CNTNAP3B: variants seen among roughly 807,000 people sequenced by gnomAD.
CNTNAP3B encodes contactin associated protein family member 3B, also known as contactin-associated protein-like 3B.
A neutral mutation model predicts 108.9 loss-of-function variants in CNTNAP3B; 25 were observed. The ratio of observed to expected loss-of-function variants is 0.23; its 90% CI spans 0.17 to 0.32. CNTNAP3B has a LOEUF of 0.32. CNTNAP3B is among the 10% of genes least tolerant of loss of function. The pLI is 1.00. For missense variants in CNTNAP3B, 252 were observed against 1,210.4 expected, an observed-to-expected ratio of 0.21 and a Z score of 11.75; for synonymous variants, 103 against 473.4, an observed-to-expected ratio of 0.22 and a Z score of 10.16.
intron 12 of CNTNAP3B, among the ~76,000 whole-genome samples, chr9:41,956,043 A>G (rs573550732): frequency 1.7e-3 from 258 of 152,290 alleles, no homozygotes; most frequent in African/African-American, 5.5e-3. Flanking sequence ...AGTGTTGAAT[A>G]TCTCATGTCA....
At chr9:41,962,859 G>A (rs1825144437) in intron 11 of CNTNAP3B, among the ~76,000 whole-genome samples, 1 of 152,154 alleles carries the variant, frequency 6.6e-6, no homozygotes, top group South Asian at 2.1e-4. Flanking sequence ...GGAGGCTGAG[G>A]CAGGAGAATG....
intron 10 of CNTNAP3B, among the ~76,000 whole-genome samples, chr9:41,968,859 A>G (rs1170448511): frequency 6.7e-6 from 1 of 149,534 alleles, no homozygotes; most frequent in Non-Finnish European, 1.5e-5. Flanking sequence ...GTGCAGTGGC[A>G]CTATCTCATT....
Position 42,115,483 on chromosome 9 carries a change from G to C in CNTNAP3B, c.86-10744C>G, listed in dbSNP as rs992477671. Among the ~76,000 whole-genome samples the C allele has an allele frequency of 4.3e-5, 6 of 139,518 alleles. 1 individual carries two copies. The allele number at this position is 139,518 out of a possible 152,430, so 91.5% of individuals were successfully genotyped here. A position where few individuals can be genotyped will look rare whatever the true frequency, so the allele number is the denominator to read the frequency against. On this transcript the variant is annotated intron_variant, in intron 1 of 23. Transcript: ENST00000377561. ...CTCCCAGTAGGGGCTGACTGACACC[G>C]CATACAGCCAGGTGCCCCTCTGAGA...
At chr9:41,960,403 A>G (rs1242173227) in intron 12 of CNTNAP3B, 1 of 183,066 alleles carries the variant, frequency 5.5e-6, no homozygotes, top group African/African-American at 2.4e-5. Context: ...TAAGATGCAC[A>G]TAGAACATTA....
At chr9:42,058,382 T>C (rs1827119472) in intron 3 of CNTNAP3B, among the ~76,000 whole-genome samples, 1 of 150,334 alleles carries the variant, frequency 6.7e-6, no homozygotes, top group African/African-American at 2.5e-5. Context: ...ACTTGTTATC[T>C]TTTGTCTTTT....
Position 42,118,441 on chromosome 9 carries a change from A to G in CNTNAP3B, c.85+10569T>C, listed in dbSNP as rs1271540043. 1.4e-5 allele frequency among the ~76,000 whole-genome samples: 2 copies of G among 138,564 alleles called. 1 individual carries two copies. The highest frequency in any genetic ancestry group is 3.1e-5 in the Non-Finnish European group (2 of 64,758). The allele number at this position is 138,564 out of a possible 152,430, so 90.9% of individuals were successfully genotyped here. A position where few individuals can be genotyped will look rare whatever the true frequency, so the allele number is the denominator to read the frequency against. The stretch of plus-strand genomic sequence containing the variant: ...TGACAAAAACCTCATGATTATCTCA[A>G]TAGATGCAGAAAAGGCCTTTGACAA... On this transcript the variant is annotated intron_variant, in intron 1 of 23. Transcript: ENST00000377561.
chr9:41,937,402 C>T (rs1337752772), intron 14 of CNTNAP3B, among the ~76,000 whole-genome samples: 2 of 151,566 alleles, frequency 1.3e-5, no homozygotes, highest in Non-Finnish European at 2.9e-5. Flanking sequence ...GCTGTGATTA[C>T]AGGCATGAGC....
intron 13 of CNTNAP3B, among the ~76,000 whole-genome samples, chr9:41,942,362 G>C (rs1824378191): frequency 1.3e-5 from 2 of 152,268 alleles, no homozygotes; most frequent in South Asian, 4.1e-4. Flanking sequence ...TGTAATCCCA[G>C]CATTTTGGGA....
intron 3 of CNTNAP3B, among the ~76,000 whole-genome samples, chr9:42,019,605 A>C (rs1244659465): frequency 1.4e-5 from 2 of 144,986 alleles, no homozygotes; most frequent in African/African-American, 2.6e-5. Context: ...AAAAAAAAAA[A>C]AAAAAATTAC....
At chr9:42,120,948 G>C (rs1828448215) in intron 1 of CNTNAP3B, among the ~76,000 whole-genome samples, 1 of 138,492 alleles carries the variant, frequency 7.2e-6, no homozygotes, top group Non-Finnish European at 1.5e-5. Flanking sequence ...TTGTGCACAT[G>C]TACCCTGTAA....
rs1485336100 is a variant in CNTNAP3B, at chr9:42,063,759, T to C, written c.390+13110A>G. Among the ~76,000 whole-genome samples, 2 of 140,878 alleles carry C rather than the reference T, an allele frequency of 1.4e-5. 1 individual carries two copies. Among genetic ancestry groups the C allele is most frequent in the Non-Finnish European group, 3.1e-5 (2 of 65,350 alleles). 92.4% of individuals were successfully genotyped at this position (140,878 alleles called of 152,430 possible). A position where few individuals can be genotyped will look rare whatever the true frequency, so the allele number is the denominator to read the frequency against. ...TTCTTTACAATAAAAACTGGATCTA[T>C]TAGCCAGGCTGGAGTGCAATAGCAT... On this transcript the variant is annotated intron_variant, in intron 3 of 23. Coordinates refer to ENST00000377561, the MANE Select transcript of CNTNAP3B (RefSeq NM_001201380.3).
At chr9:42,120,041 C>T (rs1199116391) in intron 1 of CNTNAP3B, among the ~76,000 whole-genome samples, 5 of 149,826 alleles carry the variant, frequency 3.3e-5, no homozygotes, top group African/African-American at 1.2e-4. Context: ...AACAGGCAAC[C>T]TACAGAATGG....
intron 2 of CNTNAP3B, among the ~76,000 whole-genome samples, chr9:42,097,116 G>A (rs1399534281): frequency 7.2e-6 from 1 of 139,404 alleles, no homozygotes; most frequent in Non-Finnish European, 1.5e-5. Context: ...TCCAATATCT[G>A]CTTCTCTTTC....
intron 14 of CNTNAP3B, among the ~76,000 whole-genome samples, chr9:41,931,992 GT>G (rs1404366124): frequency 7.2e-5 from 11 of 152,200 alleles, no homozygotes; most frequent in Non-Finnish European, 1.6e-4. Flanking sequence ...ATAAAGTCTT[GT>G]TTTTTCATTG....
chr9:41,958,957 T>C (rs1824965785), intron 12 of CNTNAP3B, among the ~76,000 whole-genome samples: 1 of 139,768 alleles, frequency 7.2e-6, no homozygotes, highest in Non-Finnish European at 1.5e-5. Context: ...CTGGAGTTTT[T>C]AATTCTCAGA....
rs534810461 is a variant in CNTNAP3B at position 42,115,828 on chromosome 9, C to T, written c.86-11089G>A. Among the ~76,000 whole-genome samples the T allele has an allele frequency of 2.4e-4, 29 of 121,170 alleles. 3 individuals carry two copies. Among genetic ancestry groups the T allele is most frequent in the South Asian group, 8.5e-4 (3 of 3,542 alleles). The allele number at this position is 121,170 out of a possible 152,430, so 79.5% of individuals were successfully genotyped here. A position where few individuals can be genotyped will look rare whatever the true frequency, so the allele number is the denominator to read the frequency against. ...CCTCTTCTCCTCCAAAGGAACACAA[C>T]GCCTCGCCAGCAACGGAACAAAGCT... On this transcript the variant is annotated intron_variant, in intron 1 of 23. Coordinates refer to ENST00000377561, the MANE Select transcript of CNTNAP3B (RefSeq NM_001201380.3).
chr9:41,937,767 G>A (rs1330467343), intron 14 of CNTNAP3B, among the ~76,000 whole-genome samples: 1 of 151,952 alleles, frequency 6.6e-6, no homozygotes, highest in Non-Finnish European at 1.5e-5. Flanking sequence ...GGAAATTGTT[G>A]CTTCTAAAAA....
At chr9:41,932,058 C>G (rs1479378193) in intron 14 of CNTNAP3B, among the ~76,000 whole-genome samples, 2 of 151,962 alleles carry the variant, frequency 1.3e-5, no homozygotes, top group East Asian at 3.9e-4. Context: ...GTGTTTTTCA[C>G]CAGTTTCTTA....
At position 42,024,804 on chromosome 9, in the gene CNTNAP3B, C is replaced by A. The variant is rs1301257522; in HGVS notation, c.391-11279G>T. On this transcript the variant is annotated intron_variant, in intron 3 of 23. Transcript: ENST00000377561. ...TTGCACACTAGTTTGCACCGTTTGC[C>A]AATTATTTCTCATCCAGTTTCTCAG... Among the ~76,000 whole-genome samples the A allele has an allele frequency of 2.4e-3, 345 of 143,178 alleles. 1 individual carries two copies. Among genetic ancestry groups the A allele is most frequent in the African/African-American group, 9.2e-3 (333 of 36,228 alleles). The allele number at this position is 143,178 out of a possible 152,430, so 93.9% of individuals were successfully genotyped here.
Sources: gnomAD v4.1 joint callset for allele counts (sites outside exome capture counted in the v4.1 genomes callset) on GRCh38, gnomAD v4.1.1 for gene constraint, MANE v1.5 for transcripts, NCBI Gene and HGNC (gene_info 2026-07-23, HGNC 2026-07-21) for gene names.